The following RADX variants were observed in gnomAD, a reference collection of about 807,000 sequenced individuals.
The protein encoded by RADX is RPA-related protein RADX.
A neutral mutation model predicts 61.6 loss-of-function variants in RADX; 36 were observed. The observed-to-expected ratio is 0.58, with a 90% CI of 0.45 to 0.77. RADX has a LOEUF of 0.77. Ranked by LOEUF, RADX falls within the 30% of genes least tolerant of loss-of-function variation. The pLI, the probability that RADX is intolerant of heterozygous loss-of-function variation, is 0.00. For missense variants in RADX, 497 were observed against 651.1 expected (o/e 0.76, Z 2.58); for synonymous variants, 272 against 237.9 (o/e 1.14, Z -1.32).
Position 106,678,858 on chromosome X carries a change from T to G in RADX, c.*600T>G, listed in dbSNP as rs1195203976. On this transcript the variant is annotated 3_prime_UTR_variant, in exon 14 of 14. Transcript: ENST00000372548. ...GGTTTTTCCACTTCATTTTGTGACT[T>G]TGTGTGGTTCGAATTTCTCAGTATT... The G allele has an allele frequency of 4.5e-5, 5 of 112,356 alleles. No individual in the cohort carries two copies. The East Asian group carries it at 1.4e-3, about 31-fold the overall frequency. The allele number at this position is 112,356 out of a possible 1,213,427, so 9.3% of individuals were successfully genotyped here.
intron 3 of RADX, among the ~76,000 whole-genome samples, chrX:106,630,268 T>A (rs909898850): frequency 9.2e-6 from 1 of 109,218 alleles, no homozygotes; most frequent in African/African-American, 3.3e-5. Context: ...GAGGCTTCAA[T>A]GAGCCGTGAT....
chrX:106,667,932 A>G (rs1007265543), intron 12 of RADX, among the ~76,000 whole-genome samples: 2 of 111,764 alleles, frequency 1.8e-5, no homozygotes, highest in Non-Finnish European at 3.8e-5. Flanking sequence ...AGGATATAAG[A>G]TACCAGCATG....
intron 12 of RADX, among the ~76,000 whole-genome samples, chrX:106,663,284 C>T (rs1285962498): frequency 5.4e-5 from 6 of 111,338 alleles, no homozygotes; most frequent in Admixed American, 2.9e-4. Flanking sequence ...CTCTTCCCTA[C>T]CTCCTCACAT....
At chrX:106,617,020 G>GTTTTTT (rs60413185) in intron 1 of RADX, among the ~76,000 whole-genome samples, 104 of 54,530 alleles carry the variant, frequency 1.9e-3, no homozygotes, top group Non-Finnish European at 2.5e-3. Context: ...GTGTGTGTGG[G>GTTTTTT]TTTTTTTTTT....
In RADX at chrX:106,652,526, AATGGAC is replaced by A. The variant is rs1379776966; in HGVS notation, c.1978+4143_1978+4148del. ...ACGATATAGAATATATAGGATGATA[AATGGAC>A]ATTCCACTAAGAATACAGTAACAAT... On this transcript the variant is annotated intron_variant, in intron 11 of 13. Coordinates refer to ENST00000372548, the MANE Select transcript of RADX (RefSeq NM_018015.6). Among the ~76,000 whole-genome samples, 3 of 110,607 alleles carry A rather than the reference AATGGAC, an allele frequency of 2.7e-5. No individual in the cohort carries two copies. The Admixed American group carries it at 2.9e-4, about 11-fold the overall frequency.
rs1289071671 is a variant in RADX at position 106,673,689 on chromosome X, C to CA, written c.2437+4360dup. On this transcript the variant is annotated intron_variant, in intron 13 of 13. Coordinates refer to ENST00000372548, the MANE Select transcript of RADX (RefSeq NM_018015.6). ...TGTGTCTCCCCCCCATCCCCCCCCA[C>CA]ACACACACACCGCCCCTGGTACACT... Among the ~76,000 whole-genome samples the CA allele has an allele frequency of 4.3e-3, 441 of 101,562 alleles. 6 individuals are homozygous for CA. Among genetic ancestry groups the CA allele is most frequent in the African/African-American group, 0.015 (408 of 26,335 alleles). The allele number at this position is 101,562 out of a possible 115,157, so 88.2% of individuals were successfully genotyped here. A position where few individuals can be genotyped will look rare whatever the true frequency, so the allele number is the denominator to read the frequency against.
At chrX:106,668,905 A>G (rs191533626) in intron 12 of RADX, among the ~76,000 whole-genome samples, 4 of 112,409 alleles carry the variant, frequency 3.6e-5, no homozygotes, top group African/African-American at 9.7e-5. Context: ...TAAGATTCCA[A>G]TCTTCCATCA....
chrX:106,665,001 C>T (rs1036279351), intron 12 of RADX, among the ~76,000 whole-genome samples: 3 of 111,776 alleles, frequency 2.7e-5, no homozygotes, highest in Non-Finnish European at 5.6e-5. Context: ...TACATCTATA[C>T]TTCAAGTACT....
chrX:106,661,950 C>A, intron 11 of RADX, 65 bp from the exon 12 acceptor site: 1 of 965,225 alleles, frequency 1.0e-6, no homozygotes. Context: ...TTTTTTTTTG[C>A]AGTGAATGAC....
intron 10 of RADX, among the ~76,000 whole-genome samples, chrX:106,647,076 C>T (rs1340562685): frequency 6.4e-5 from 7 of 109,714 alleles, no homozygotes; most frequent in Non-Finnish European, 1.3e-4. Flanking sequence ...AATAGTAGGT[C>T]TTATTCATTC....
intron 6 of RADX, among the ~76,000 whole-genome samples, chrX:106,633,610 T>G (rs1355930487): frequency 1.8e-5 from 2 of 111,941 alleles, no homozygotes; most frequent in African/African-American, 6.5e-5. Flanking sequence ...TAGACCACAT[T>G]AAAGACATCG....
intron 3 of RADX, 38 bp downstream of exon 3, chrX:106,625,320 T>C: frequency 1.0e-6 from 1 of 988,465 alleles, no homozygotes; most frequent in Non-Finnish European, 1.4e-6. Context: ...TATCGCTGTT[T>C]TGTTTATATA....
intron 13 of RADX, among the ~76,000 whole-genome samples, chrX:106,673,865 T>C (rs972896699): frequency 1.8e-5 from 2 of 111,190 alleles, no homozygotes; most frequent in African/African-American, 6.5e-5. Flanking sequence ...CCTTTCTAGC[T>C]AGTGCTGGTT....
At chrX:106,666,443 A>G (rs1050295025) in intron 12 of RADX, among the ~76,000 whole-genome samples, 1 of 112,040 alleles carries the variant, frequency 8.9e-6, no homozygotes, top group African/African-American at 3.2e-5. Flanking sequence ...TAAGGGAATC[A>G]ACATTGAGGG....
chrX:106,651,636 GGTGAA>G (rs2147631349), intron 11 of RADX, among the ~76,000 whole-genome samples: 1 of 111,362 alleles, frequency 9.0e-6, no homozygotes, highest in Non-Finnish European at 1.9e-5. Flanking sequence ...TACTATTTAA[GGTGAA>G]ATGGATGGAA....
chrX:106,655,641 T>G (rs1188661868), intron 11 of RADX, among the ~76,000 whole-genome samples: 1 of 110,622 alleles, frequency 9.0e-6, no homozygotes, highest in African/African-American at 3.3e-5. Flanking sequence ...GGTTTCCAGC[T>G]TCATCCATGT....
At position 106,622,750 on chromosome X, in the gene RADX, G is replaced by A. The variant is rs1413989206; in HGVS notation, c.743G>A (p.Arg248Gln). The A allele has an allele frequency of 1.7e-6, 2 of 1,194,597 alleles. No individual in the cohort carries two copies. Among genetic ancestry groups the A allele is most frequent in the East Asian group, 6.0e-5 (2 of 33,374 alleles). The change falls in exon 2 of 14, where the codon CGA (arginine) becomes CAA (glutamine). Residue 248 changes from arginine to glutamine, a missense_variant. Arg to Gln is a conservative substitution (Grantham distance 43). Transcript: ENST00000372548. ...LVRILHKSKLRYYGKPDKKMI... is the reference protein window; with the variant it reads ...LVRILHKSKLQYYGKPDKKMI... The stretch of plus-strand genomic sequence containing the variant: ...AGGATCTTACATAAATCAAAACTGC[G>A]ATACTATGGAAAACCTGATAAAAAG...
chrX:106,631,559 A>G (rs1316073770), intron 3 of RADX, among the ~76,000 whole-genome samples: 1 of 108,699 alleles, frequency 9.2e-6, no homozygotes. Flanking sequence ...AATTACAAAA[A>G]TTAGCTGGAC....
intron 11 of RADX, among the ~76,000 whole-genome samples, chrX:106,658,754 A>C (rs182263121): frequency 8.9e-6 from 1 of 111,892 alleles, no homozygotes; most frequent in African/African-American, 3.2e-5. Context: ...TCATTTTGTG[A>C]ATACACAATT....
Sources: allele counts gnomAD v4.1 joint callset (sites outside exome capture counted in the v4.1 genomes callset), GRCh38; gene constraint gnomAD v4.1.1; transcripts MANE v1.5; gene names NCBI Gene and HGNC (gene_info 2026-07-23, HGNC 2026-07-21).